IQGAP3: variants seen among roughly 807,000 people sequenced by gnomAD.
IQGAP3 encodes the protein IQ motif containing GTPase activating protein 3, also known as ras GTPase-activating-like protein IQGAP3.
In IQGAP3, 165 loss-of-function variants were observed where a neutral mutation model predicts 208.2. The ratio of observed to expected loss-of-function variants is 0.79; its 90% CI spans 0.70 to 0.90. IQGAP3 has a LOEUF of 0.90. Among genes scored for constraint, IQGAP3 ranks in the 40% least tolerant of loss-of-function variants. IQGAP3 has a pLI of 0.00. For synonymous variants in IQGAP3, 703 were observed against 803.6 expected, an observed-to-expected ratio of 0.87 and a Z score of 2.12; for missense variants, 1,811 against 2,043.1, an observed-to-expected ratio of 0.89 and a Z score of 2.19.
Position 156,538,933 on chromosome 1 carries a change from GC to G in IQGAP3, c.3156del (p.Gln1053ArgfsTer12). ...TGGATAACCTTGCCCAGAATCTCCT[GC>G]AGGGCACTCTGTCCCCGCCCATTAC... is the stretch of plus-strand genomic sequence containing the variant. ...FYRNGRGQSALQEILGKVIQD... is the reference protein window; with the variant it reads ...FYRNGRGQSAXQEILGKVIQD... On this transcript the variant is annotated frameshift_variant, in exon 26 of 38. Coordinates refer to ENST00000361170, the MANE Select transcript of IQGAP3 (RefSeq NM_178229.5). LOFTEE classifies it high-confidence loss of function. The G allele has an allele frequency of 2.5e-6, 4 of 1,614,062 alleles. No individual in the cohort carries two copies. The highest frequency in any genetic ancestry group is 3.4e-6 in the Non-Finnish European group (4 of 1,179,962).
intron 19 of IQGAP3, among the ~76,000 whole-genome samples, chr1:156,547,398 C>G (rs1421980265): frequency 3.3e-5 from 5 of 150,850 alleles, no homozygotes; most frequent in East Asian, 3.9e-4. Flanking sequence ...GACACACACA[C>G]ACACACACAC....
intron 5 of IQGAP3, among the ~76,000 whole-genome samples, chr1:156,564,405 T>C (rs902507846): frequency 1.3e-5 from 2 of 152,198 alleles, no homozygotes; most frequent in Non-Finnish European, 2.9e-5. Context: ...CTGCCTGCCC[T>C]TCCCCTTCAC....
chr1:156,533,257 G>A lies in IQGAP3; in HGVS notation c.3977-151C>T, dbSNP rs1027717506. ...GGAAGTTTTCCCACACTGGCCTGCA[G>A]AACTACCCTGTGTCCCCAACCCTTA... On this transcript the variant is annotated intron_variant, in intron 31 of 37. Transcript: ENST00000361170. 6.2e-5 allele frequency: 59 copies of A among 951,108 alleles called. No homozygotes were observed. The South Asian group carries it at 8.9e-4, about 14-fold the overall frequency. The allele number at this position is 951,108 out of a possible 1,614,324, so 58.9% of individuals were successfully genotyped here. A position where few individuals can be genotyped will look rare whatever the true frequency, so the allele number is the denominator to read the frequency against.
At position 156,528,040 on chromosome 1, in the gene IQGAP3, T is replaced by G; in HGVS notation, c.4694A>C (p.Asp1565Ala). ...TCCTGCCTCATCTCCCGGCGTGATGTCAAAGATGACGTTTCTGAAGCTGTC... is the reference window on the plus strand; with the variant it reads ...TCCTGCCTCATCTCCCGGCGTGATGGCAAAGATGACGTTTCTGAAGCTGTC... ...PASHFRNVIF[D>A]ITPGDEAGKF... Residue 1565 changes from aspartate (D) to alanine (A), a missense_variant, in exon 37 of 38, where the codon GAC becomes GCC. Coordinates refer to ENST00000361170, the MANE Select transcript of IQGAP3 (RefSeq NM_178229.5). 1 of 1,614,018 alleles carries G rather than the reference T, an allele frequency of 6.2e-7. No individual in the cohort carries two copies. The highest frequency in any genetic ancestry group is 8.5e-7 in the Non-Finnish European group (1 of 1,179,906).
At chr1:156,536,389 C>A (rs1339011335) in intron 27 of IQGAP3, among the ~76,000 whole-genome samples, 1 of 152,116 alleles carries the variant, frequency 6.6e-6, no homozygotes, top group Non-Finnish European at 1.5e-5. Context: ...ACAAATACTG[C>A]ATAATCTCAC....
chr1:156,563,797 G>A lies in IQGAP3; in HGVS notation c.465C>T (p.Ala155=), dbSNP rs1389180681. Residue 155 remains alanine (A), a synonymous_variant, in exon 6 of 38, where the codon GCC becomes GCT. Transcript: ENST00000361170. ...LSLFLFRLGL[A]PQIHDLYGKV... is the part of the protein sequence containing the mutation. ...TCCCGTATAGATCATGTATCTGAGG[G>A]GCCAATCCCAGCCGGAAGAGGAAGA... The A allele has an allele frequency of 1.2e-6, 2 of 1,613,984 alleles. No individual in the cohort carries two copies. Among genetic ancestry groups the A allele is most frequent in the Non-Finnish European group, 1.7e-6 (2 of 1,179,962 alleles).
At chr1:156,553,218 C>A (rs1315193460) in intron 13 of IQGAP3, among the ~76,000 whole-genome samples, 1 of 152,178 alleles carries the variant, frequency 6.6e-6, no homozygotes, top group African/African-American at 2.4e-5. Context: ...AACTCCCTCC[C>A]GGCTCAAAAC....
chr1:156,552,529 C>T (rs1410867465), intron 13 of IQGAP3, among the ~76,000 whole-genome samples: 1 of 152,188 alleles, frequency 6.6e-6, no homozygotes, highest in Non-Finnish European at 1.5e-5. Flanking sequence ...CCATCTTGCC[C>T]CAAATCTTGG....
intron 33 of IQGAP3, among the ~76,000 whole-genome samples, chr1:156,530,686 A>C (rs114235921): frequency 0.018 from 2,796 of 152,234 alleles, 79 homozygotes; most frequent in African/African-American, 0.064. Context: ...GGGGGCATTT[A>C]CCTGTCTGTT....
Position 156,534,003 on chromosome 1 carries a change from C to T in IQGAP3, c.3873+6G>A. The stretch of plus-strand genomic sequence containing the variant: ...AGCCAACACCCTCCAGATCTCAGCC[C>T]CTCACCCTGTGCGTGTTGACCAGCT... On this transcript the variant is annotated splice_donor_region_variant and intron_variant, in intron 30 of 37. Coordinates refer to ENST00000361170, the MANE Select transcript of IQGAP3 (RefSeq NM_178229.5). 6.2e-7 allele frequency: 1 copy of T among 1,613,616 alleles called. No homozygotes were observed. Among genetic ancestry groups the T allele is most frequent in the East Asian group, 2.2e-5 (1 of 44,888 alleles).
intron 24 of IQGAP3, 107 bp from the exon 25 acceptor site, chr1:156,539,644 T>C: frequency 7.8e-7 from 1 of 1,274,094 alleles, no homozygotes; most frequent in Non-Finnish European, 1.1e-6. Flanking sequence ...GAGAAAGCAC[T>C]ACCACACTTT....
intron 12 of IQGAP3, among the ~76,000 whole-genome samples, chr1:156,555,389 C>A (rs144125971): frequency 9.3e-4 from 141 of 152,152 alleles, no homozygotes; most frequent in African/African-American, 3.2e-3. Context: ...CCACACCTGG[C>A]TAATTTTTGT....
At chr1:156,544,581 T>A in intron 19 of IQGAP3, 109 bp from the exon 20 acceptor site, 1 of 875,672 alleles carries the variant, frequency 1.1e-6, no homozygotes, top group Non-Finnish European at 1.9e-6. Flanking sequence ...AGGGGGCAGT[T>A]AAATAGAGGG....
chr1:156,547,095 C>T (rs973086692), intron 19 of IQGAP3, among the ~76,000 whole-genome samples: 1 of 152,216 alleles, frequency 6.6e-6, no homozygotes, highest in South Asian at 2.1e-4. Flanking sequence ...GGGAAGGTAT[C>T]TGCTCAATTG....
At chr1:156,565,710 TCA>T (rs1676371564) in intron 4 of IQGAP3, among the ~76,000 whole-genome samples, 1 of 152,206 alleles carries the variant, frequency 6.6e-6, no homozygotes, top group Admixed American at 6.5e-5. Context: ...TACCCTTGCT[TCA>T]CACTGTGAAA....
intron 15 of IQGAP3, among the ~76,000 whole-genome samples, 153 bp from the exon 16 acceptor site, chr1:156,550,504 T>C (rs951027743): frequency 2.0e-5 from 3 of 152,192 alleles, no homozygotes; most frequent in Non-Finnish European, 4.4e-5. Context: ...TGTGTGGGCA[T>C]GTGTGGCATG....
chr1:156,550,139 GC>G, intron 16 of IQGAP3, 121 bp downstream of exon 16: 1 of 677,924 alleles, frequency 1.5e-6, no homozygotes, highest in Non-Finnish European at 2.6e-6. Flanking sequence ...ACTCTGGCCT[GC>G]CTCCCCACAG....
In IQGAP3 at chr1:156,563,558, G is replaced by A; in HGVS notation, c.614C>T (p.Ala205Val). 6.2e-7 allele frequency: 1 copy of A among 1,612,612 alleles called. No homozygotes were observed. The highest frequency in any genetic ancestry group is 1.7e-4 in the Middle Eastern group (1 of 5,958). ...ILANELSVDE[A>V]AVHAAVLAIN... ...GGGCAGAGCCTAGTCCTTACCTGCAGCCTCATCCACCGAGAGCTCATTGGC... is the reference window on the plus strand; with the variant it reads ...GGGCAGAGCCTAGTCCTTACCTGCAACCTCATCCACCGAGAGCTCATTGGC... Residue 205 changes from alanine (A) to valine (V), a missense_variant, in exon 7 of 38, where the codon GCT becomes GTT. Transcript: ENST00000361170.
intron 34 of IQGAP3, among the ~76,000 whole-genome samples, chr1:156,529,637 T>C (rs183699520): frequency 6.6e-6 from 1 of 151,602 alleles, no homozygotes; most frequent in Non-Finnish European, 1.5e-5. Flanking sequence ...ATACAAAAAT[T>C]TGGCTGGGTG....
Sources: gnomAD v4.1 joint callset for allele counts (sites outside exome capture counted in the v4.1 genomes callset) on GRCh38, gnomAD v4.1.1 for gene constraint, MANE v1.5 for transcripts, NCBI Gene and HGNC (gene_info 2026-07-23, HGNC 2026-07-21) for gene names.